Variants in NME8 observed in about 807,000 individuals in gnomAD.
NME8 encodes protein NME8.
A neutral mutation model predicts 82.3 loss-of-function variants in NME8; 72 were observed. The observed-to-expected ratio is 0.87, with a 90% CI of 0.72 to 1.06. The LOEUF is 1.06. Ranked by LOEUF, NME8 falls within the 50% of genes least tolerant of loss-of-function variation. The probability of loss-of-function intolerance (pLI) is 0.00; values close to 1 mark genes in which losing one functional copy is unlikely to be tolerated. For missense variants in NME8, 712 were observed against 685.4 expected, an observed-to-expected ratio of 1.04 and a Z score of -0.43; for synonymous variants, 267 against 228.5, an observed-to-expected ratio of 1.17 and a Z score of -1.52.
At chr7:37,867,555 A>G in intron 10 of NME8, 147 bp from the exon 11 acceptor site, 1 of 673,276 alleles carries the variant, frequency 1.5e-6, no homozygotes, top group South Asian at 1.7e-5. Context: ...ATAAAAATGT[A>G]TTGTTAACAG....
chr7:37,882,699 G>A (rs1052035358), intron 12 of NME8, among the ~76,000 whole-genome samples: 6 of 152,090 alleles, frequency 3.9e-5, no homozygotes, highest in East Asian at 3.9e-4. Flanking sequence ...TCGGGGCTTT[G>A]AAGTATGATT....
chr7:37,854,517 T>C (rs946423852), intron 5 of NME8, among the ~76,000 whole-genome samples: 6 of 152,196 alleles, frequency 3.9e-5, no homozygotes, highest in African/African-American at 1.4e-4. Flanking sequence ...AATGTTTCTA[T>C]GTGGTACCAA....
chr7:37,877,020 G>C lies in NME8; in HGVS notation c.994+13G>C. ...CATGAAAGGAAAGGTAGGGAATCAAGCATAAATTGTTTAAGTATTTTATAT... is the reference window on the plus strand; with the variant it reads ...CATGAAAGGAAAGGTAGGGAATCAACCATAAATTGTTTAAGTATTTTATAT... On this transcript the variant is annotated intron_variant, in intron 12 of 17. Transcript: ENST00000199447. 3 of 1,603,430 alleles carry C rather than the reference G, an allele frequency of 1.9e-6. No individual in the cohort carries two copies. In the East Asian group the frequency reaches 6.7e-5, roughly 36 times the overall value.
chr7:37,873,150 A>G (rs1380132365), intron 11 of NME8, among the ~76,000 whole-genome samples: 2 of 152,210 alleles, frequency 1.3e-5, no homozygotes, highest in Non-Finnish European at 2.9e-5. Context: ...ATTTGAAGTC[A>G]GGAGCTCAAG....
chr7:37,899,301 A>C (rs1171547597), intron 17 of NME8, among the ~76,000 whole-genome samples: 1 of 152,212 alleles, frequency 6.6e-6, no homozygotes, highest in Non-Finnish European at 1.5e-5. Context: ...TCAATGATAG[A>C]CTGGATAAAG....
intron 12 of NME8, 136 bp downstream of exon 12, chr7:37,877,143 A>G: frequency 1.4e-6 from 1 of 699,026 alleles, no homozygotes; most frequent in East Asian, 2.7e-5. Flanking sequence ...TAATGTATTA[A>G]CTTACTAATA....
At chr7:37,850,461 C>T (rs776350841) in intron 4 of NME8, 26 bp downstream of exon 4, 8 of 1,612,882 alleles carry the variant, frequency 5.0e-6, no homozygotes, top group Non-Finnish European at 6.8e-6. Flanking sequence ...GGCTGTCTGG[C>T]CACCTGGGGT....
intron 16 of NME8, among the ~76,000 whole-genome samples, chr7:37,894,972 C>T (rs150476334): frequency 1.3e-3 from 191 of 152,002 alleles, no homozygotes; most frequent in African/African-American, 4.5e-3. Context: ...CAGTTCAAAC[C>T]GCTGCTTCGC....
chr7:37,872,243 C>T (rs1030949772), intron 11 of NME8, among the ~76,000 whole-genome samples: 1 of 152,154 alleles, frequency 6.6e-6, no homozygotes. Flanking sequence ...TTCCTGATTG[C>T]CCCTGCAGAA....
chr7:37,882,347 C>A (rs1024873917), intron 12 of NME8, among the ~76,000 whole-genome samples: 3 of 151,678 alleles, frequency 2.0e-5, no homozygotes, highest in African/African-American at 7.3e-5. Context: ...CGTAGCCGGG[C>A]GTGGTGGCCC....
chr7:37,884,167 A>C, intron 12 of NME8, 136 bp from the exon 13 acceptor site: 1 of 651,928 alleles, frequency 1.5e-6, no homozygotes, highest in Non-Finnish European at 2.7e-6. Context: ...AAACCTAAGA[A>C]GGTATTTCTG....
intron 11 of NME8, among the ~76,000 whole-genome samples, chr7:37,875,385 C>T (rs1262018390): frequency 6.6e-6 from 1 of 151,792 alleles, no homozygotes; most frequent in Non-Finnish European, 1.5e-5. Flanking sequence ...AGCTTACTCT[C>T]AAATGGATCT....
intron 12 of NME8, among the ~76,000 whole-genome samples, chr7:37,880,724 T>C (rs1323686209): frequency 2.0e-5 from 3 of 152,166 alleles, no homozygotes; most frequent in East Asian, 1.9e-4. Context: ...ACAGACCAAG[T>C]TGGGAAAAAC....
intron 6 of NME8, among the ~76,000 whole-genome samples, chr7:37,857,582 G>A (rs932238312): frequency 3.3e-5 from 5 of 152,244 alleles, no homozygotes; most frequent in Admixed American, 6.5e-5. Context: ...GTAAGATGGC[G>A]TTTATCTTTA....
intron 13 of NME8, among the ~76,000 whole-genome samples, 159 bp from the exon 14 acceptor site, chr7:37,884,986 A>C (rs1474200390): frequency 6.6e-6 from 1 of 152,230 alleles, no homozygotes; most frequent in East Asian, 1.9e-4. Context: ...TGCTCTTGAA[A>C]ACATATCAAC....
intron 7 of NME8, among the ~76,000 whole-genome samples, chr7:37,863,133 A>C (rs936194473): frequency 3.3e-5 from 5 of 152,144 alleles, no homozygotes; most frequent in Non-Finnish European, 5.9e-5. Flanking sequence ...AAAAATTTAA[A>C]AAAAATTTAA....
At chr7:37,851,797 C>T (rs546193787) in intron 5 of NME8, among the ~76,000 whole-genome samples, 1 of 152,094 alleles carries the variant, frequency 6.6e-6, no homozygotes, top group East Asian at 1.9e-4. Flanking sequence ...GATAACAGAT[C>T]TTTACTCCTT....
At chr7:37,884,697 A>G (rs1414214295) in intron 13 of NME8, among the ~76,000 whole-genome samples, 1 of 152,230 alleles carries the variant, frequency 6.6e-6, no homozygotes, top group Admixed American at 6.5e-5. Flanking sequence ...TGAGTTGAAC[A>G]CCAGAAGTCC....
chr7:37,898,882 A>G (rs62445992), intron 17 of NME8, among the ~76,000 whole-genome samples: 3 of 152,306 alleles, frequency 2.0e-5, no homozygotes, highest in Admixed American at 2.0e-4. Context: ...AACCCCTGAC[A>G]TATTGCCAGG....
Sources: allele counts gnomAD v4.1 joint callset (sites outside exome capture counted in the v4.1 genomes callset), GRCh38; gene constraint gnomAD v4.1.1; transcripts MANE v1.5; gene names NCBI Gene and HGNC (gene_info 2026-07-23, HGNC 2026-07-21).